The following AGMO variants were observed in gnomAD, a reference collection of about 807,000 sequenced individuals.
The protein encoded by AGMO is alkylglycerol monooxygenase.
In AGMO, 75 loss-of-function variants were observed where a neutral mutation model predicts 60.2. The ratio of observed to expected loss-of-function variants is 1.25; its 90% CI spans 1.03 to 1.51. The LOEUF is 1.51. AGMO is among the 40% of genes most tolerant of loss of function. AGMO has a pLI of 0.00. For synonymous variants in AGMO, 261 were observed against 177.1 expected (o/e 1.47, Z -3.76); for missense variants, 763 against 525.5 (o/e 1.45, Z -4.42).
intron 12 of AGMO, among the ~76,000 whole-genome samples, chr7:15,301,999 C>A (rs1374292895): frequency 6.6e-6 from 1 of 152,070 alleles, no homozygotes; most frequent in Non-Finnish European, 1.5e-5. Flanking sequence ...TCAACTTTTT[C>A]TTAATGTTTT....
At chr7:15,234,544 TTG>T (rs1303242328) in intron 12 of AGMO, among the ~76,000 whole-genome samples, 1 of 152,202 alleles carries the variant, frequency 6.6e-6, no homozygotes, top group Non-Finnish European at 1.5e-5. Context: ...TGGTTTTGTT[TTG>T]TTTTTGTGTT....
rs7794090 is a variant in AGMO at position 15,346,548 on chromosome 7, G to T, written c.1263+18966C>A. On this transcript the variant is annotated intron_variant, in intron 12 of 12. Transcript: ENST00000342526. ...CCTTCTTAAATAATACGATATAAAA[G>T]CAACACTGTATTGTCACTCTTCTTT... Among the ~76,000 whole-genome samples, 7 of 150,560 alleles carry T rather than the reference G, an allele frequency of 4.6e-5. No individual in the cohort carries two copies. The South Asian group carries it at 1.5e-3, about 31-fold the overall frequency.
chr7:15,529,098 T>G (rs1392801662), intron 3 of AGMO, among the ~76,000 whole-genome samples: 5 of 152,068 alleles, frequency 3.3e-5, no homozygotes, highest in Non-Finnish European at 7.4e-5. Flanking sequence ...AAACAGACAT[T>G]CTCAGCTTAA....
At chr7:15,553,133 G>T (rs1000949733) in intron 2 of AGMO, among the ~76,000 whole-genome samples, 3 of 149,548 alleles carry the variant, frequency 2.0e-5, no homozygotes, top group African/African-American at 7.4e-5. Flanking sequence ...AGATCACATG[G>T]ACACAGGAAG....
chr7:15,499,976 G>A (rs1286863992), intron 3 of AGMO, among the ~76,000 whole-genome samples: 1 of 148,542 alleles, frequency 6.7e-6, no homozygotes, highest in African/African-American at 2.5e-5. Context: ...AAAAGCAATT[G>A]GATTTTGAAG....
intron 4 of AGMO, among the ~76,000 whole-genome samples, chr7:15,427,850 GTGAGTAATAT>G (rs1282976721): frequency 6.6e-6 from 1 of 152,078 alleles, no homozygotes; most frequent in African/African-American, 2.4e-5. Context: ...CTCCTTGTTG[GTGAGTAATAT>G]TAAGCTTAAA....
chr7:15,176,129 T>C, the AGMO span, among the ~76,000 whole-genome samples: 2 of 152,052 alleles, frequency 1.3e-5, no homozygotes, highest in Admixed American at 6.6e-5. Context: ...CCTATTTTTA[T>C]GCTTCAAGAT....
At chr7:15,538,287 C>G (rs1455099794) in intron 3 of AGMO, among the ~76,000 whole-genome samples, 1 of 152,118 alleles carries the variant, frequency 6.6e-6, no homozygotes, top group East Asian at 1.9e-4. Context: ...TGCTGGAGTA[C>G]AGTGGCACAC....
At chr7:15,422,856 A>G (rs772473698) in intron 4 of AGMO, among the ~76,000 whole-genome samples, 3 of 152,078 alleles carry the variant, frequency 2.0e-5, no homozygotes, top group Non-Finnish European at 4.4e-5. Context: ...TGGCCTGAAG[A>G]TTTCAAGGCA....
rs139554246 is a variant in AGMO at position 15,432,328 on chromosome 7, GTA to G, written c.410-1222_410-1221del. On this transcript the variant is annotated intron_variant, in intron 3 of 12. Transcript: ENST00000342526. ...GTCATATATATGTGTGTGTATATATGTATATATATATATATATACATACATAT... is the reference window on the plus strand; with the variant it reads ...GTCATATATATGTGTGTGTATATATGTATATATATATATATACATACATAT... Among the ~76,000 whole-genome samples the G allele has an allele frequency of 6.4e-3, 476 of 74,852 alleles. 1 individual carries two copies. Among genetic ancestry groups the G allele is most frequent in the Middle Eastern group, 0.02 (2 of 98 alleles). The allele number at this position is 74,852 out of a possible 152,430, so 49.1% of individuals were successfully genotyped here.
At chr7:15,124,159 G>GCAAAA in the AGMO span, among the ~76,000 whole-genome samples, 2 of 152,114 alleles carry the variant, frequency 1.3e-5, no homozygotes, top group East Asian at 1.9e-4. Flanking sequence ...TAAAAGGCAG[G>GCAAAA]CAAAACAAAA....
intron 3 of AGMO, among the ~76,000 whole-genome samples, chr7:15,532,368 G>T (rs548686970): frequency 6.6e-6 from 1 of 152,152 alleles, no homozygotes; most frequent in Non-Finnish European, 1.5e-5. Flanking sequence ...ATGTATTAAG[G>T]CTCTGGTGCA....
intron 12 of AGMO, among the ~76,000 whole-genome samples, chr7:15,252,237 G>T (rs1782958931): frequency 6.6e-6 from 1 of 152,206 alleles, no homozygotes; most frequent in African/African-American, 2.4e-5. Flanking sequence ...GATCAGAAGG[G>T]TTAGTAGTGG....
intron 2 of AGMO, among the ~76,000 whole-genome samples, chr7:15,558,647 A>G (rs903410037): frequency 3.3e-5 from 5 of 152,194 alleles, no homozygotes; most frequent in Non-Finnish European, 7.4e-5. Flanking sequence ...TTCAACTGCA[A>G]AATGCAACAA....
At chr7:15,138,048 T>A in the AGMO span, among the ~76,000 whole-genome samples, 2 of 152,126 alleles carry the variant, frequency 1.3e-5, no homozygotes, top group Non-Finnish European at 2.9e-5. Flanking sequence ...CAAATGATAC[T>A]GTACACCAAC....
Position 15,520,513 on chromosome 7 carries a change from G to T in AGMO, c.409+24259C>A, listed in dbSNP as rs10264516. ...AACAAACAGTCTCTCAGACCATAGC[G>T]CAATCAAATTAGAACTCAGGATTAA... On this transcript the variant is annotated intron_variant, in intron 3 of 12. Coordinates refer to ENST00000342526, the MANE Select transcript of AGMO (RefSeq NM_001004320.2). 1.7e-4 allele frequency among the ~76,000 whole-genome samples: 26 copies of T among 152,242 alleles called. 2 individuals carry two copies. The highest frequency in any genetic ancestry group is 5.1e-4 in the African/African-American group (21 of 41,530).
At chr7:15,543,204 T>C (rs1784679690) in intron 3 of AGMO, among the ~76,000 whole-genome samples, 1 of 152,140 alleles carries the variant, frequency 6.6e-6, no homozygotes. Flanking sequence ...GTTGTGCTCT[T>C]CAGTAGTTTT....
chr7:15,341,391 G>T (rs1563096970), intron 12 of AGMO, among the ~76,000 whole-genome samples: 1 of 152,142 alleles, frequency 6.6e-6, no homozygotes, highest in Non-Finnish European at 1.5e-5. Flanking sequence ...TTTTGCTAAA[G>T]CATTACAAGA....
At chr7:15,248,096 G>C (rs534372589) in intron 12 of AGMO, among the ~76,000 whole-genome samples, 4 of 145,282 alleles carry the variant, frequency 2.8e-5, no homozygotes, top group Non-Finnish European at 6.0e-5. Context: ...GTAAGATGTA[G>C]ACAAGAAAAT....
Sources: gnomAD v4.1 joint callset for allele counts (sites outside exome capture counted in the v4.1 genomes callset) on GRCh38, gnomAD v4.1.1 for gene constraint, MANE v1.5 for transcripts, NCBI Gene and HGNC (gene_info 2026-07-23, HGNC 2026-07-21) for gene names.